Variants in ABCA13 observed in about 807,000 individuals in gnomAD.
The protein encoded by ABCA13 is ATP binding cassette subfamily A member 13.
Under a neutral mutation model 478.7 loss-of-function variants are expected in ABCA13, and 476 were observed. The observed-to-expected ratio is 0.99, with a 90% CI of 0.92 to 1.07. The LOEUF is 1.07. Among genes scored for constraint, ABCA13 ranks in the 50% least tolerant of loss-of-function variants. ABCA13 has a pLI of 0.00. For synonymous variants in ABCA13, 2,252 were observed against 2,158.9 expected (o/e 1.04, Z -1.20); for missense variants, 6,060 against 5,910.6 (o/e 1.03, Z -0.83).
chr7:48,425,796 A>G (rs1821329962), intron 41 of ABCA13, among the ~76,000 whole-genome samples: 1 of 152,008 alleles, frequency 6.6e-6, no homozygotes, highest in Non-Finnish European at 1.5e-5. Flanking sequence ...GTTGGAGTGC[A>G]GTGGCGCAAT....
intron 58 of ABCA13, among the ~76,000 whole-genome samples, chr7:48,609,069 C>T (rs985106160): frequency 1.3e-5 from 2 of 152,010 alleles, no homozygotes; most frequent in Admixed American, 6.6e-5. Context: ...TTACTTAAAA[C>T]GATCATTTTG....
intron 46 of ABCA13, among the ~76,000 whole-genome samples, chr7:48,481,958 A>G (rs1032913684): frequency 1.3e-5 from 2 of 152,142 alleles, no homozygotes; most frequent in African/African-American, 4.8e-5. Flanking sequence ...AGAGTAGAAC[A>G]CTGTGATAGA....
chr7:48,334,506 T>A (rs1156952733), intron 27 of ABCA13, among the ~76,000 whole-genome samples: 1 of 152,168 alleles, frequency 6.6e-6, no homozygotes, highest in African/African-American at 2.4e-5. Flanking sequence ...GGCTAATTTT[T>A]TGTATTTTTT....
At chr7:48,369,015 A>T (rs966714457) in intron 32 of ABCA13, among the ~76,000 whole-genome samples, 1 of 152,062 alleles carries the variant, frequency 6.6e-6, no homozygotes, top group Non-Finnish European at 1.5e-5. Context: ...TTACATTCCC[A>T]CCAACAGTGT....
Position 48,274,586 on chromosome 7 carries a change from C to T in ABCA13, c.4920C>T (p.Asn1640=). ...LGIQLIRDVF[N]SLMPVVHHTS... Reference sequence around the variant, plus strand: ...TTCAACTGATAAGGGATGTGTTCAACTCCTTAATGCCTGTAGTTCATCACA... The same window carrying T: ...TTCAACTGATAAGGGATGTGTTCAATTCCTTAATGCCTGTAGTTCATCACA... The change falls in exon 17 of 62, where the codon AAC becomes AAT. Residue 1640 remains asparagine, a synonymous_variant. Transcript: ENST00000435803. The T allele has an allele frequency of 6.2e-7, 1 of 1,613,938 alleles. No individual in the cohort carries two copies. The highest frequency in any genetic ancestry group is 8.5e-7 in the Non-Finnish European group (1 of 1,179,848).
At chr7:48,325,036 C>T (rs949069391) in intron 27 of ABCA13, among the ~76,000 whole-genome samples, 2 of 152,216 alleles carry the variant, frequency 1.3e-5, no homozygotes, top group Non-Finnish European at 2.9e-5. Flanking sequence ...GAGACCTCCT[C>T]TGTCAGAGAA....
At chr7:48,559,709 C>A (rs527955889) in intron 55 of ABCA13, among the ~76,000 whole-genome samples, 262 of 152,262 alleles carry the variant, frequency 1.7e-3, no homozygotes, top group African/African-American at 5.7e-3. Flanking sequence ...GGTATCACTG[C>A]CAGTTATTCA....
chr7:48,506,536 C>A (rs1035217975), intron 49 of ABCA13, 146 bp downstream of exon 49: 57 of 830,988 alleles, frequency 6.9e-5, no homozygotes, highest in African/African-American at 3.9e-4. Flanking sequence ...AGGACTTGGG[C>A]ATTTCTTTGC....
At chr7:48,233,931 G>GA (rs1789553548) in intron 7 of ABCA13, 87 bp from the exon 8 acceptor site, 1 of 1,487,520 alleles carries the variant, frequency 6.7e-7, no homozygotes, top group Non-Finnish European at 9.1e-7. Context: ...CTTTAGAGGT[G>GA]AAAAAAGGTA....
chr7:48,510,168 C>T (rs114935175), intron 50 of ABCA13, among the ~76,000 whole-genome samples: 1,305 of 62,346 alleles, frequency 0.021, 11 homozygotes, highest in African/African-American at 0.078. Flanking sequence ...TAAATAAATG[C>T]GCAGGATACA....
In ABCA13 at chr7:48,481,054, G is replaced by T; in HGVS notation, c.12994G>T (p.Ala4332Ser). ...ATTTCAGAAGTGTCCAAATAGAAGTGCTAGTGCTCCCTACCTGACCAACCA... is the reference window on the plus strand; with the variant it reads ...ATTTCAGAAGTGTCCAAATAGAAGTTCTAGTGCTCCCTACCTGACCAACCA... ...CGCLKCPNRSASAPYLTNHLG... is the reference protein window; with the variant it reads ...CGCLKCPNRSSSAPYLTNHLG... The change falls in exon 46 of 62, where the codon GCT (alanine) becomes TCT (serine). Residue 4332 changes from alanine to serine, a missense_variant. Coordinates refer to ENST00000435803, the MANE Select transcript of ABCA13 (RefSeq NM_152701.5). The T allele has an allele frequency of 1.3e-6, 2 of 1,596,984 alleles. No individual in the cohort carries two copies. The highest frequency in any genetic ancestry group is 1.1e-5 in the South Asian group (1 of 87,420).
chr7:48,231,988 A>T (rs185708584), intron 7 of ABCA13, among the ~76,000 whole-genome samples: 5 of 152,154 alleles, frequency 3.3e-5, no homozygotes, highest in Non-Finnish European at 7.4e-5. Flanking sequence ...TGAGATTGTT[A>T]TACACAGAGA....
At chr7:48,500,082 G>T (rs1830612202) in intron 48 of ABCA13, among the ~76,000 whole-genome samples, 1 of 152,172 alleles carries the variant, frequency 6.6e-6, no homozygotes. Flanking sequence ...AGATAAGTTA[G>T]TAGAGTAAGC....
At chr7:48,234,254 C>T in intron 8 of ABCA13, 103 bp downstream of exon 8, 3 of 1,540,472 alleles carry the variant, frequency 1.9e-6, no homozygotes, top group Non-Finnish European at 2.7e-6. Flanking sequence ...GGAGAGGCAG[C>T]CAGACAGGAG....
intron 15 of ABCA13, 59 bp from the exon 16 acceptor site, chr7:48,268,921 A>G: frequency 1.7e-6 from 1 of 574,226 alleles, no homozygotes; most frequent in African/African-American, 2.8e-5. Context: ...TTTTCACTTT[A>G]TTAGATTTGT....
At chr7:48,397,245 G>A (rs1328025991) in intron 38 of ABCA13, among the ~76,000 whole-genome samples, 3 of 152,130 alleles carry the variant, frequency 2.0e-5, no homozygotes, top group African/African-American at 7.2e-5. Context: ...GCTAGTTCCA[G>A]AGAAAATGGG....
At chr7:48,254,224 T>C (rs2128705439) in intron 15 of ABCA13, among the ~76,000 whole-genome samples, 1 of 152,168 alleles carries the variant, frequency 6.6e-6, no homozygotes, top group Middle Eastern at 3.4e-3. Context: ...TATTGTATGC[T>C]TTTCCTATTT....
At chr7:48,286,706 C>T (rs553513727) in intron 19 of ABCA13, among the ~76,000 whole-genome samples, 11 of 152,078 alleles carry the variant, frequency 7.2e-5, no homozygotes, top group African/African-American at 2.2e-4. Flanking sequence ...GGTTTTACCA[C>T]ATTGGCCAGG....
intron 42 of ABCA13, among the ~76,000 whole-genome samples, chr7:48,431,629 A>G (rs1371893949): frequency 6.6e-6 from 1 of 152,134 alleles, no homozygotes; most frequent in Non-Finnish European, 1.5e-5. Context: ...AGAATTGCCT[A>G]TTTCTCCCTT....
Sources: gnomAD v4.1 joint callset for allele counts (sites outside exome capture counted in the v4.1 genomes callset) on GRCh38, gnomAD v4.1.1 for gene constraint, MANE v1.5 for transcripts, NCBI Gene and HGNC (gene_info 2026-07-23, HGNC 2026-07-21) for gene names.